KSR2: variants seen among roughly 807,000 people sequenced by gnomAD.
The protein encoded by KSR2 is kinase suppressor of ras 2.
Under a neutral mutation model 107.8 loss-of-function variants are expected in KSR2, and 25 were observed. The ratio of observed to expected loss-of-function variants is 0.23; its 90% CI spans 0.17 to 0.32. The LOEUF (loss-of-function observed/expected upper bound fraction) is 0.32. Among genes scored for constraint, KSR2 ranks in the 10% least tolerant of loss-of-function variants. The pLI is 1.00. For missense variants in KSR2, 887 were observed against 1,268.9 expected (o/e 0.70, Z 4.57); for synonymous variants, 480 against 507.0 (o/e 0.95, Z 0.71).
At chr12:117,574,945 CT>C (rs1195037594) in intron 7 of KSR2, among the ~76,000 whole-genome samples, 1 of 150,776 alleles carries the variant, frequency 6.6e-6, no homozygotes, top group African/African-American at 2.4e-5. Flanking sequence ...CAAATCCAGG[CT>C]TCGGGAAGGG....
chr12:117,881,755 C>T (rs1894034321), intron 1 of KSR2, among the ~76,000 whole-genome samples: 1 of 152,234 alleles, frequency 6.6e-6, no homozygotes, highest in Non-Finnish European at 1.5e-5. Flanking sequence ...TGCTGTCTTT[C>T]CACAAGCCAT....
chr12:117,626,831 T>A (rs1271936381), intron 5 of KSR2, among the ~76,000 whole-genome samples: 1 of 152,174 alleles, frequency 6.6e-6, no homozygotes, highest in Non-Finnish European at 1.5e-5. Flanking sequence ...TATTATTGTG[T>A]GGGAACCTAA....
intron 1 of KSR2, among the ~76,000 whole-genome samples, chr12:117,911,793 A>C (rs201463406): frequency 0.015 from 1,181 of 77,990 alleles, 13 homozygotes; most frequent in African/African-American, 0.062. Flanking sequence ...AGGATCGCAA[A>C]CTCTCAATCG....
At chr12:117,688,286 G>A (rs575004135) in intron 4 of KSR2, among the ~76,000 whole-genome samples, 23 of 152,274 alleles carry the variant, frequency 1.5e-4, no homozygotes, top group African/African-American at 4.6e-4. Flanking sequence ...AGGCTGAGGC[G>A]GGAGAATCGC....
intron 4 of KSR2, among the ~76,000 whole-genome samples, chr12:117,701,861 C>T (rs569010957): frequency 6.6e-5 from 10 of 152,280 alleles, no homozygotes; most frequent in African/African-American, 2.4e-4. Flanking sequence ...CTAGAGCCTT[C>T]GGAAGGAGCA....
chr12:117,707,141 A>T (rs1316746630), intron 4 of KSR2, among the ~76,000 whole-genome samples: 1 of 152,260 alleles, frequency 6.6e-6, no homozygotes, highest in Non-Finnish European at 1.5e-5. Flanking sequence ...AAAATACTAC[A>T]TATTGTATGA....
At chr12:117,752,617 C>T (rs1054688891) in intron 4 of KSR2, among the ~76,000 whole-genome samples, 2 of 152,132 alleles carry the variant, frequency 1.3e-5, no homozygotes, top group Non-Finnish European at 2.9e-5. Flanking sequence ...CTATTGCTTA[C>T]ATTTTATTTT....
chr12:117,605,892 G>A (rs1343291810), intron 5 of KSR2, among the ~76,000 whole-genome samples: 9 of 152,168 alleles, frequency 5.9e-5, no homozygotes, highest in East Asian at 3.9e-4. Context: ...CAAACACAGC[G>A]TGTTCTCACT....
chr12:117,750,775 T>C (rs1022700815), intron 4 of KSR2, among the ~76,000 whole-genome samples: 1 of 152,240 alleles, frequency 6.6e-6, no homozygotes, highest in Non-Finnish European at 1.5e-5. Flanking sequence ...TTTATGTTCC[T>C]GTGTTAGTTT....
intron 4 of KSR2, among the ~76,000 whole-genome samples, chr12:117,697,739 CAA>C (rs35764451): frequency 0.019 from 1,261 of 66,316 alleles, 14 homozygotes; most frequent in African/African-American, 0.052. Flanking sequence ...GACTCCATCT[CAA>C]AAAAAAAAAA....
At chr12:117,914,210 C>A (rs968030031) in intron 1 of KSR2, among the ~76,000 whole-genome samples, 1 of 152,138 alleles carries the variant, frequency 6.6e-6, no homozygotes, top group Non-Finnish European at 1.5e-5. Context: ...GGCCAGATTG[C>A]TCGAGCCCAG....
intron 4 of KSR2, among the ~76,000 whole-genome samples, chr12:117,719,248 G>A (rs1887114626): frequency 6.6e-6 from 1 of 152,122 alleles, no homozygotes; most frequent in Admixed American, 6.5e-5. Flanking sequence ...AGACTGGAGT[G>A]CAGTGACACC....
chr12:117,873,792 T>C (rs1421743345), intron 1 of KSR2, among the ~76,000 whole-genome samples: 1 of 152,120 alleles, frequency 6.6e-6, no homozygotes, highest in Non-Finnish European at 1.5e-5. Context: ...CAACAAGGGA[T>C]ACAAAAATCA....
intron 4 of KSR2, among the ~76,000 whole-genome samples, chr12:117,685,278 A>G (rs1885523429): frequency 6.6e-6 from 1 of 152,194 alleles, no homozygotes; most frequent in South Asian, 2.1e-4. Flanking sequence ...TCCCAAACCC[A>G]TAAATCGGTT....
chr12:117,663,045 G>T (rs1884504371), intron 5 of KSR2, among the ~76,000 whole-genome samples: 1 of 152,186 alleles, frequency 6.6e-6, no homozygotes, highest in South Asian at 2.1e-4. Flanking sequence ...GTTAGTCAAT[G>T]TGGGTGCTGC....
chr12:117,594,328 C>T (rs568081260), intron 5 of KSR2, among the ~76,000 whole-genome samples: 2 of 152,316 alleles, frequency 1.3e-5, no homozygotes, highest in African/African-American at 2.4e-5. Context: ...CACCAGGCAT[C>T]GTGGGGCTCT....
rs563003278 is a variant in KSR2 at position 117,799,499 on chromosome 12, C to CAA, written c.473-37977_473-37976dup. On this transcript the variant is annotated intron_variant, in intron 3 of 19. Coordinates refer to ENST00000339824, the MANE Select transcript of KSR2 (RefSeq NM_173598.6). Reference sequence around the variant, plus strand: ...CCAGGCAACAGAGCGAAGACTCCACCAAAAAAAAAAAGAAAAAAAAAGGTC... The same window carrying CAA: ...CCAGGCAACAGAGCGAAGACTCCACCAAAAAAAAAAAAAGAAAAAAAAAGGTC... 1.9e-3 allele frequency among the ~76,000 whole-genome samples: 231 copies of CAA among 124,808 alleles called. 1 individual carries two copies. The highest frequency in any genetic ancestry group is 6.3e-3 in the African/African-American group (219 of 34,588). The allele number at this position is 124,808 out of a possible 152,430, so 81.9% of individuals were successfully genotyped here. A position where few individuals can be genotyped will look rare whatever the true frequency, so the allele number is the denominator to read the frequency against.
chr12:117,653,185 A>C (rs915008450), intron 5 of KSR2, among the ~76,000 whole-genome samples: 10 of 152,244 alleles, frequency 6.6e-5, no homozygotes, highest in African/African-American at 2.4e-4. Flanking sequence ...GGAGAATGAC[A>C]GTGGATTATC....
intron 15 of KSR2, 22 bp from the exon 16 acceptor site, chr12:117,484,571 G>A: frequency 6.2e-7 from 1 of 1,612,300 alleles, no homozygotes; most frequent in Non-Finnish European, 8.5e-7. Context: ...AAGGAACAGA[G>A]AGTTGCCAGA....
Sources: allele counts gnomAD v4.1 joint callset (sites outside exome capture counted in the v4.1 genomes callset), GRCh38; gene constraint gnomAD v4.1.1; transcripts MANE v1.5; gene names NCBI Gene and HGNC (gene_info 2026-07-23, HGNC 2026-07-21).